Variants in RFX3 observed in about 807,000 individuals in gnomAD.
RFX3 encodes transcription factor RFX3.
RFX3 carries 14 observed loss-of-function variants against 98.6 expected under a neutral mutation model. The observed-to-expected ratio is 0.14, with a 90% CI of 0.09 to 0.22. The LOEUF is 0.22. Among genes scored for constraint, RFX3 ranks in the 10% least tolerant of loss-of-function variants. The probability of loss-of-function intolerance (pLI) is 1.00; values close to 1 mark genes in which losing one functional copy is unlikely to be tolerated. For missense variants in RFX3, 639 were observed against 926.9 expected, an observed-to-expected ratio of 0.69 and a Z score of 4.03; for synonymous variants, 383 against 328.4, an observed-to-expected ratio of 1.17 and a Z score of -1.80.
chr9:3,312,143 G>A (rs1045036266), intron 4 of RFX3, among the ~76,000 whole-genome samples: 5 of 152,230 alleles, frequency 3.3e-5, no homozygotes, highest in African/African-American at 1.2e-4. Context: ...GATAAGTATT[G>A]CTTCATGAAA....
intron 1 of RFX3, among the ~76,000 whole-genome samples, chr9:3,467,966 G>A (rs572127019): frequency 6.6e-6 from 1 of 152,268 alleles, no homozygotes; most frequent in Admixed American, 6.5e-5. Flanking sequence ...TGTGTCATGG[G>A]AACAAAAGAA....
At chr9:3,508,942 A>C (rs1446632889) in intron 1 of RFX3, among the ~76,000 whole-genome samples, 1 of 151,564 alleles carries the variant, frequency 6.6e-6, no homozygotes, top group Non-Finnish European at 1.5e-5. Flanking sequence ...ATTTACTTCT[A>C]ATTGTAAAAC....
rs1189865551 is a variant in RFX3, at chr9:3,494,621, AAATAT to A, written c.-9+31121_-9+31125del. Among the ~76,000 whole-genome samples, 7 of 152,304 alleles carry A rather than the reference AAATAT, an allele frequency of 4.6e-5. 1 individual carries two copies. The highest frequency in any genetic ancestry group is 1.3e-4 in the Admixed American group (2 of 15,290). ...CATCTGATTAGAAAATAAAACAGAG[AAATAT>A]AATAAACATTCATTAATTTAAAATA... On this transcript the variant is annotated intron_variant, in intron 1 of 16. Transcript: ENST00000617270.
intron 1 of RFX3, among the ~76,000 whole-genome samples, chr9:3,503,076 T>A (rs1368087917): frequency 6.6e-6 from 1 of 152,176 alleles, no homozygotes; most frequent in African/African-American, 2.4e-5. Flanking sequence ...ACAACGGTGG[T>A]ACAAACAAGT....
chr9:3,421,079 T>C (rs1564078120), intron 1 of RFX3, among the ~76,000 whole-genome samples: 1 of 150,664 alleles, frequency 6.6e-6, no homozygotes, highest in Non-Finnish European at 1.5e-5. Context: ...CCTGAGGCTC[T>C]GGAGTGACTT....
chr9:3,223,162 T>A lies in RFX3; in HGVS notation c.*1880A>T, dbSNP rs981895993. 3 of 152,112 alleles carry A rather than the reference T, an allele frequency of 2.0e-5. No individual in the cohort carries two copies. Among genetic ancestry groups the A allele is most frequent in the African/African-American group, 7.2e-5 (3 of 41,438 alleles). 9.4% of individuals were successfully genotyped at this position (152,112 alleles called of 1,614,324 possible). On this transcript the variant is annotated 3_prime_UTR_variant, in exon 17 of 17. Transcript: ENST00000617270. ...TCTGTCAATCATTTTGTGCTTTCCT[T>A]TTTTTTGGCTTTATTATCTATTTAT...
At chr9:3,501,362 G>C (rs530764471) in intron 1 of RFX3, among the ~76,000 whole-genome samples, 1 of 151,860 alleles carries the variant, frequency 6.6e-6, no homozygotes, top group South Asian at 2.1e-4. Flanking sequence ...TGACTTACAG[G>C]TTAGAATACT....
At chr9:3,502,888 G>A (rs1184800112) in intron 1 of RFX3, among the ~76,000 whole-genome samples, 2 of 152,116 alleles carry the variant, frequency 1.3e-5, no homozygotes, top group South Asian at 2.1e-4. Flanking sequence ...TTAACCATAA[G>A]TTGTTAACTT....
At chr9:3,386,379 C>A (rs1194072489) in intron 2 of RFX3, among the ~76,000 whole-genome samples, 1 of 151,550 alleles carries the variant, frequency 6.6e-6, no homozygotes, top group Non-Finnish European at 1.5e-5. Flanking sequence ...AGGTACTAAC[C>A]TAAATATTTT....
At chr9:3,290,202 A>T (rs1423168710) in intron 6 of RFX3, among the ~76,000 whole-genome samples, 1 of 122,926 alleles carries the variant, frequency 8.1e-6, no homozygotes, top group Non-Finnish European at 1.6e-5. Context: ...ACATACAATT[A>T]AAAAAAAAAA....
intron 4 of RFX3, among the ~76,000 whole-genome samples, chr9:3,311,052 C>A (rs866742646): frequency 6.6e-6 from 1 of 152,114 alleles, no homozygotes; most frequent in Non-Finnish European, 1.5e-5. Context: ...AAAACAGTTA[C>A]CTAATGTATA....
At chr9:3,446,740 A>G (rs1846088953) in intron 1 of RFX3, among the ~76,000 whole-genome samples, 1 of 152,120 alleles carries the variant, frequency 6.6e-6, no homozygotes, top group Non-Finnish European at 1.5e-5. Context: ...AATCTTAATA[A>G]ATTGGAGTAA....
chr9:3,343,208 G>T (rs1018084858), intron 3 of RFX3, among the ~76,000 whole-genome samples: 2 of 152,198 alleles, frequency 1.3e-5, no homozygotes, highest in East Asian at 3.8e-4. Flanking sequence ...ATGACATGGG[G>T]ACGCTGGTGA....
At chr9:3,483,387 A>T (rs906507923) in intron 1 of RFX3, among the ~76,000 whole-genome samples, 1 of 152,180 alleles carries the variant, frequency 6.6e-6, no homozygotes, top group Non-Finnish European at 1.5e-5. Flanking sequence ...TTCTTGCTCA[A>T]TGTTGTATTT....
chr9:3,385,439 A>C (rs1303870755), intron 2 of RFX3, among the ~76,000 whole-genome samples: 2 of 152,248 alleles, frequency 1.3e-5, no homozygotes, highest in Non-Finnish European at 2.9e-5. Context: ...GGCCGGGTGC[A>C]GTGGCTCACA....
chr9:3,224,545 T>TG lies in RFX3; in HGVS notation c.*496_*497insC, dbSNP rs1817563519. ...TACTCAAAATGTTATCAAAATAGTG[T>TG]CTTATGGTTCTGTCCAATGAAAAGC... On this transcript the variant is annotated 3_prime_UTR_variant, in exon 17 of 17. Transcript: ENST00000617270. 1 of 156,906 alleles carries TG rather than the reference T, an allele frequency of 6.4e-6. No homozygotes were observed. Among genetic ancestry groups the TG allele is most frequent in the Admixed American group, 6.1e-5 (1 of 16,304 alleles). The allele number at this position is 156,906 out of a possible 1,614,324, so 9.7% of individuals were successfully genotyped here. A position where few individuals can be genotyped will look rare whatever the true frequency, so the allele number is the denominator to read the frequency against.
chr9:3,281,484 G>C (rs893709457), intron 7 of RFX3, among the ~76,000 whole-genome samples: 1 of 151,182 alleles, frequency 6.6e-6, no homozygotes, highest in African/African-American at 2.4e-5. Flanking sequence ...TTTTAGATTT[G>C]GTTTTCCCAG....
At chr9:3,521,687 T>A (rs921057401) in intron 1 of RFX3, among the ~76,000 whole-genome samples, 1 of 152,194 alleles carries the variant, frequency 6.6e-6, no homozygotes, top group South Asian at 2.1e-4. Flanking sequence ...ATAAACTTTA[T>A]AGCAGTAAAT....
chr9:3,253,890 A>C (rs1251779949), intron 14 of RFX3, among the ~76,000 whole-genome samples: 5 of 152,112 alleles, frequency 3.3e-5, no homozygotes, highest in African/African-American at 1.2e-4. Flanking sequence ...TGTAATTTTC[A>C]TTACTCAATA....
Sources: gnomAD v4.1 joint callset for allele counts (sites outside exome capture counted in the v4.1 genomes callset) on GRCh38, gnomAD v4.1.1 for gene constraint, MANE v1.5 for transcripts, NCBI Gene and HGNC (gene_info 2026-07-23, HGNC 2026-07-21) for gene names.